PARD3: variants seen among roughly 807,000 people sequenced by gnomAD.
PARD3 encodes the protein partitioning defective 3 homolog.
A neutral mutation model predicts 155.4 loss-of-function variants in PARD3; 75 were observed. The observed-to-expected ratio is 0.48, with a 90% confidence interval of 0.40 to 0.58. The LOEUF is 0.58. Ranked by LOEUF, PARD3 falls within the 20% of genes least tolerant of loss-of-function variation. PARD3 has a pLI of 0.00. For synonymous variants in PARD3, 576 were observed against 610.5 expected (o/e 0.94, Z 0.83); for missense variants, 1,642 against 1,721.7 (o/e 0.95, Z 0.82).
intron 1 of PARD3, among the ~76,000 whole-genome samples, chr10:34,701,345 T>TTGTTGC (rs2094274280): frequency 6.6e-6 from 1 of 151,712 alleles, no homozygotes; most frequent in Non-Finnish European, 1.5e-5. Flanking sequence ...GTTGTTGTTG[T>TTGTTGC]TGTTGTTGTT....
chr10:34,314,195 A>G (rs956154880), intron 20 of PARD3, among the ~76,000 whole-genome samples: 2 of 79,278 alleles, frequency 2.5e-5, no homozygotes, highest in Non-Finnish European at 6.9e-5. Flanking sequence ...TGTTAGGAGA[A>G]AAAAAAAAAA....
Position 34,296,873 on chromosome 10 carries a change from T to G in PARD3, c.3066-12628A>C, listed in dbSNP as rs12570431. Among the ~76,000 whole-genome samples the G allele has an allele frequency of 1.2e-3, 178 of 152,286 alleles. 3 individuals are homozygous for G. The East Asian group carries it at 0.03, about 26-fold the overall frequency. On this transcript the variant is annotated intron_variant, in intron 20 of 24. Transcript: ENST00000374788. ...GGCATGTTCCTATAATCCCAGATTC[T>G]TGGGAGGCTGAGGTCAAATGAGTTT... is the stretch of plus-strand genomic sequence containing the variant.
chr10:34,189,204 T>C (rs1485411928), intron 22 of PARD3, among the ~76,000 whole-genome samples: 1 of 151,974 alleles, frequency 6.6e-6, no homozygotes, highest in Non-Finnish European at 1.5e-5. Context: ...AACCTGGGCA[T>C]GGTCCCCAGC....
chr10:34,627,029 T>A (rs2092012537), intron 2 of PARD3, among the ~76,000 whole-genome samples: 1 of 152,070 alleles, frequency 6.6e-6, no homozygotes, highest in Admixed American at 6.5e-5. Flanking sequence ...CATCTTTTTT[T>A]TTTTTTTGGA....
intron 2 of PARD3, among the ~76,000 whole-genome samples, chr10:34,652,171 CT>C (rs1165668355): frequency 6.6e-6 from 1 of 152,172 alleles, no homozygotes; most frequent in East Asian, 1.9e-4. Context: ...TTCTAAGCAG[CT>C]GGGACAAGAA....
Position 34,119,659 on chromosome 10 carries a change from G to A in PARD3, c.3622C>T (p.Arg1208Cys). 1 of 1,610,308 alleles carries A rather than the reference G, an allele frequency of 6.2e-7. No individual in the cohort carries two copies. The part of the protein sequence containing the change: ...VQMQRQRQEE[R>C]ESSQQAQRQY... ...CGCTGGGCCTGCTGGGAGCTCTCGC[G>A]CTCCTCCTGCCGCTGCCGCTGCATC... is the stretch of plus-strand genomic sequence containing the variant. Residue 1208 changes from arginine (R) to cysteine (C), a missense_variant, in exon 24 of 25, where the codon CGC becomes TGC. By Grantham distance (180) the Arg-to-Cys change is radical. Around this residue, in one of 3 missense-constraint regions of PARD3, gnomAD observed 1,529 missense variants for 1,587.3 expected, o/e 0.96. Transcript: ENST00000374788.
At chr10:34,558,462 T>C (rs936839454) in intron 2 of PARD3, among the ~76,000 whole-genome samples, 3 of 152,218 alleles carry the variant, frequency 2.0e-5, no homozygotes, top group Non-Finnish European at 4.4e-5. Context: ...TCAACCATGA[T>C]TGGGGAATGA....
Position 34,741,174 on chromosome 10 carries a change from A to ATTTTTTTTTTTTTTTTT in PARD3, c.121-44772_121-44756dup, listed in dbSNP as rs71033345. Among the ~76,000 whole-genome samples, 62 of 114,308 alleles carry ATTTTTTTTTTTTTTTTT rather than the reference A, an allele frequency of 5.4e-4. 1 individual carries two copies. Among genetic ancestry groups the ATTTTTTTTTTTTTTTTT allele is most frequent in the Non-Finnish European group, 7.6e-4 (44 of 58,082 alleles). The allele number at this position is 114,308 out of a possible 152,430, so 75.0% of individuals were successfully genotyped here. A position where few individuals can be genotyped will look rare whatever the true frequency, so the allele number is the denominator to read the frequency against. On this transcript the variant is annotated intron_variant, in intron 1 of 24. Coordinates refer to ENST00000374788, the MANE Select transcript of PARD3 (RefSeq NM_001184785.2). ...CAACTGCTGTGTTTTCGTAAACCAA[A>ATTTTTTTTTTTTTTTTT]TTTTTTTTTTTTTTTTTTTTGTTTG... is the stretch of plus-strand genomic sequence containing the variant.
At position 34,343,240 on chromosome 10, in the gene PARD3, C is replaced by T. The variant is rs1306634074; in HGVS notation, c.2219-1424G>A. The stretch of plus-strand genomic sequence containing the variant: ...GTCACAATATTAAATACCAAATACT[C>T]ACACGGGCATAATTTATTAAAAGAA... On this transcript the variant is annotated intron_variant, in intron 15 of 24. Coordinates refer to ENST00000374788, the MANE Select transcript of PARD3 (RefSeq NM_001184785.2). 4 of 740,770 alleles carry T rather than the reference C, an allele frequency of 5.4e-6. No homozygotes were observed. The African/African-American group carries it at 5.8e-5, about 11-fold the overall frequency. 45.9% of individuals were successfully genotyped at this position (740,770 alleles called of 1,614,324 possible).
At chr10:34,162,182 G>A (rs76414005) in intron 22 of PARD3, among the ~76,000 whole-genome samples, 5,290 of 152,116 alleles carry the variant, frequency 0.035, 313 homozygotes, top group African/African-American at 0.12. Flanking sequence ...GCCTGAACAC[G>A]CCCAGAGCAG....
chr10:34,151,591 C>A (rs1948785033), intron 22 of PARD3, among the ~76,000 whole-genome samples: 1 of 152,150 alleles, frequency 6.6e-6, no homozygotes, highest in Non-Finnish European at 1.5e-5. Context: ...CAAATTCAAT[C>A]CATAAACGAC....
chr10:34,353,030 G>C (rs568865690), intron 14 of PARD3, among the ~76,000 whole-genome samples: 1 of 150,882 alleles, frequency 6.6e-6, no homozygotes, highest in Non-Finnish European at 1.5e-5. Flanking sequence ...GTCTCTGCCC[G>C]GCCGCCCCGT....
At chr10:34,271,693 G>A (rs1304247031) in intron 21 of PARD3, among the ~76,000 whole-genome samples, 1 of 152,124 alleles carries the variant, frequency 6.6e-6, no homozygotes, top group Non-Finnish European at 1.5e-5. Flanking sequence ...TCTAGGCAAT[G>A]CAATAAGCCT....
At chr10:34,305,543 G>A (rs1121831) in intron 20 of PARD3, among the ~76,000 whole-genome samples, 2,697 of 152,184 alleles carry the variant, frequency 0.018, 79 homozygotes, top group African/African-American at 0.061. Flanking sequence ...AGACATGAAA[G>A]GGCAATTTTA....
chr10:34,393,677 G>A (rs1843052393), intron 7 of PARD3, among the ~76,000 whole-genome samples: 2 of 151,982 alleles, frequency 1.3e-5, no homozygotes, highest in Admixed American at 1.3e-4. Flanking sequence ...GATCACTTGA[G>A]GCCAAGAGTT....
chr10:34,186,477 G>A (rs74855570), intron 22 of PARD3, among the ~76,000 whole-genome samples: 4 of 152,022 alleles, frequency 2.6e-5, no homozygotes, highest in East Asian at 1.9e-4. Context: ...TAATGGTTCC[G>A]ACCCTCAATC....
At chr10:34,174,568 T>C (rs1232665113) in intron 22 of PARD3, among the ~76,000 whole-genome samples, 2 of 152,270 alleles carry the variant, frequency 1.3e-5, no homozygotes, top group Non-Finnish European at 2.9e-5. Flanking sequence ...AGGCCACCTG[T>C]CTGGCTGGCA....
intron 2 of PARD3, among the ~76,000 whole-genome samples, chr10:34,627,334 C>A (rs2092029518): frequency 6.6e-6 from 1 of 152,180 alleles, no homozygotes; most frequent in Non-Finnish European, 1.5e-5. Context: ...AGCTGCCCAT[C>A]TATTATGAAC....
chr10:34,494,438 G>A (rs919814035), intron 3 of PARD3, among the ~76,000 whole-genome samples: 4 of 152,174 alleles, frequency 2.6e-5, no homozygotes, highest in Non-Finnish European at 5.9e-5. Context: ...GCTGCTGAAG[G>A]TTTTTAAGCA....
Sources: allele counts gnomAD v4.1 joint callset (sites outside exome capture counted in the v4.1 genomes callset), GRCh38; gene constraint gnomAD v4.1.1; regional missense constraint gnomAD v4.1.1; transcripts MANE v1.5; gene names NCBI Gene and HGNC (gene_info 2026-07-23, HGNC 2026-07-21).